Variants in SLC24A1 observed in about 807,000 individuals in gnomAD.
SLC24A1 encodes the protein solute carrier family 24 member 1.
SLC24A1 carries 52 observed loss-of-function variants against 88.1 expected under a neutral mutation model. The ratio of observed to expected loss-of-function variants is 0.59; its 90% confidence interval spans 0.47 to 0.74. The LOEUF (loss-of-function observed/expected upper bound fraction) is 0.74. Ranked by LOEUF, SLC24A1 falls within the 30% of genes least tolerant of loss-of-function variation. The pLI is 0.00. For synonymous variants in SLC24A1, 455 were observed against 498.0 expected, an observed-to-expected ratio of 0.91 and a Z score of 1.15; for missense variants, 1,173 against 1,363.3, an observed-to-expected ratio of 0.86 and a Z score of 2.20.
intron 2 of SLC24A1, among the ~76,000 whole-genome samples, chr15:65,633,029 A>G (rs2074784603): frequency 6.6e-6 from 1 of 152,232 alleles, no homozygotes; most frequent in Non-Finnish European, 1.5e-5. Flanking sequence ...TCAACACACC[A>G]GAGGGTCAGG....
chr15:65,647,673 C>T (rs1288424986), intron 6 of SLC24A1, among the ~76,000 whole-genome samples: 1 of 152,076 alleles, frequency 6.6e-6, no homozygotes. Context: ...GCAGAACAGA[C>T]AGACGCTCCC....
In SLC24A1 at chr15:65,654,109, G is replaced by C. The variant is rs1249697797; in HGVS notation, c.*30G>C. 1.3e-6 allele frequency: 2 copies of C among 1,598,948 alleles called. No individual in the cohort carries two copies. The highest frequency in any genetic ancestry group is 1.7e-5 in the Admixed American group (1 of 58,860). ...GTCACTCTTGCTCACAATGGGCATG[G>C]ATCAGAAGACCATGCAGAAGTTACT... On this transcript the variant is annotated 3_prime_UTR_variant, in exon 10 of 10. Coordinates refer to ENST00000261892, the MANE Select transcript of SLC24A1 (RefSeq NM_004727.3).
At chr15:65,647,038 A>G (rs572573379) in intron 6 of SLC24A1, among the ~76,000 whole-genome samples, 2 of 152,190 alleles carry the variant, frequency 1.3e-5, no homozygotes, top group South Asian at 4.1e-4. Context: ...TCTCCCTCAC[A>G]TTCCTTCTCT....
At chr15:65,626,839 C>T (rs574311808) in intron 2 of SLC24A1, among the ~76,000 whole-genome samples, 1 of 152,160 alleles carries the variant, frequency 6.6e-6, no homozygotes, top group Admixed American at 6.5e-5. Flanking sequence ...TACCACCACA[C>T]CCGGATCATT....
chr15:65,653,472 G>T (rs1247218322), intron 9 of SLC24A1, among the ~76,000 whole-genome samples: 1 of 151,708 alleles, frequency 6.6e-6, no homozygotes, highest in African/African-American at 2.4e-5. Flanking sequence ...TCACATTGGG[G>T]CTGGGTGTGG....
In SLC24A1 at chr15:65,624,718, C is replaced by T. The variant is rs375544210; in HGVS notation, c.638C>T (p.Ala213Val). 55 of 1,611,064 alleles carry T rather than the reference C, an allele frequency of 3.4e-5. 1 individual carries two copies. In the African/African-American group the frequency reaches 3.6e-4, roughly 11 times the overall value. ...TTCATGACAATGGAAACAAGCCATG[C>T]GATCACCCCCAGGACAACAGTGAAA... is the stretch of plus-strand genomic sequence containing the variant. Reference protein sequence around the residue: ...STFMTMETSHAITPRTTVKDS... With the variant: ...STFMTMETSHVITPRTTVKDS... Residue 213 changes from alanine to valine, a missense_variant, in exon 2 of 10, where the codon GCG (alanine) becomes GTG (valine). Physicochemically the swap from Ala to Val is moderately conservative, Grantham distance 64. Coordinates refer to ENST00000261892, the MANE Select transcript of SLC24A1 (RefSeq NM_004727.3).
intron 2 of SLC24A1, among the ~76,000 whole-genome samples, chr15:65,614,866 G>T (rs2074084576): frequency 6.6e-6 from 1 of 152,134 alleles, no homozygotes; most frequent in African/African-American, 2.4e-5. Flanking sequence ...GAGAAAACTT[G>T]GTAGATACTA....
Position 65,654,896 on chromosome 15 carries a change from C to A in SLC24A1, c.*817C>A. The stretch of plus-strand genomic sequence containing the variant: ...TACAGGCGTCAGCCACCGCGCCTGG[C>A]CTATACCAGTATTTTCTAGTTTAAA... On this transcript the variant is annotated 3_prime_UTR_variant, in exon 10 of 10. Coordinates refer to ENST00000261892, the MANE Select transcript of SLC24A1 (RefSeq NM_004727.3). 8.7e-7 allele frequency: 1 copy of A among 1,143,900 alleles called. No individual in the cohort carries two copies. The highest frequency in any genetic ancestry group is 1.1e-6 in the Non-Finnish European group (1 of 920,398). The allele number at this position is 1,143,900 out of a possible 1,614,324, so 70.9% of individuals were successfully genotyped here.
chr15:65,631,892 C>T (rs2074740259), intron 2 of SLC24A1, among the ~76,000 whole-genome samples: 1 of 152,062 alleles, frequency 6.6e-6, no homozygotes, highest in African/African-American at 2.4e-5. Context: ...AGTGCAGTGG[C>T]GCGATCTCAG....
intron 2 of SLC24A1, among the ~76,000 whole-genome samples, chr15:65,631,885 G>A (rs954273027): frequency 3.3e-5 from 5 of 152,140 alleles, no homozygotes; most frequent in Non-Finnish European, 7.4e-5. Flanking sequence ...AGGCTGGAGT[G>A]CAGTGGCGCG....
intron 2 of SLC24A1, among the ~76,000 whole-genome samples, chr15:65,626,716 C>T (rs937702933): frequency 6.6e-6 from 1 of 152,166 alleles, no homozygotes; most frequent in Non-Finnish European, 1.5e-5. Context: ...CTGTTAAATT[C>T]ATTGGATGAT....
At chr15:65,626,117 C>T (rs1395674418) in intron 2 of SLC24A1, 147 bp downstream of exon 2, 6 of 683,804 alleles carry the variant, frequency 8.8e-6, no homozygotes, top group Admixed American at 2.2e-5. Flanking sequence ...TATAGAGTAC[C>T]TGTTCTCTGC....
Position 65,654,564 on chromosome 15 carries a change from T to G in SLC24A1, c.*485T>G, listed in dbSNP as rs1274203918. On this transcript the variant is annotated 3_prime_UTR_variant, in exon 10 of 10. Transcript: ENST00000261892. ...CTCCTTTTCTGTTCAAATTGTGAGG[T>G]TCTATCAGGTTTGTAATCACTGTAG... 2 of 1,189,740 alleles carry G rather than the reference T, an allele frequency of 1.7e-6. No homozygotes were observed. The highest frequency in any genetic ancestry group is 3.7e-5 in the Admixed American group (1 of 27,300). 73.7% of individuals were successfully genotyped at this position (1,189,740 alleles called of 1,614,324 possible).
downstream of SLC24A1, chr15:65,660,405 G>GACACT: frequency 3.8e-6 from 4 of 1,044,672 alleles, no homozygotes; most frequent in Non-Finnish European, 5.7e-6. Flanking sequence ...TCCAAGTGTC[G>GACACT]TGGACTCTAC....
rs533534753 is a variant in SLC24A1, at chr15:65,622,251, G to A, written c.-127+159G>A. Reference sequence around the variant, plus strand: ...TTGAGTTCATGGCAAGGATCGGGGGGCTGCAGGGAGATAGTGGAAAGAAAA... The same window carrying A: ...TTGAGTTCATGGCAAGGATCGGGGGACTGCAGGGAGATAGTGGAAAGAAAA... On this transcript the variant is annotated intron_variant, in intron 1 of 9. Coordinates refer to ENST00000261892, the MANE Select transcript of SLC24A1 (RefSeq NM_004727.3). Among the ~76,000 whole-genome samples the A allele has an allele frequency of 2.0e-5, 3 of 152,208 alleles. No individual in the cohort carries two copies. The East Asian group carries it at 5.8e-4, about 29-fold the overall frequency.
In SLC24A1 at chr15:65,650,930, C is replaced by G; in HGVS notation, c.2781C>G (p.Asp927Glu). ...TCCCACTGTGGCTGACAGTCCCCGA[C>G]GTCCGAAGGCAGGTGAGTGTGCCCA... is the stretch of plus-strand genomic sequence containing the variant. ...IVFPLWLTVP[D>E]VRRQESRKFF... The change falls in exon 7 of 10, where the codon GAC (aspartate) becomes GAG (glutamate). Residue 927 changes from aspartate (D) to glutamate (E), a missense_variant. Transcript: ENST00000261892. This position sits in a 1 kb window ranked among gnomAD's most constrained non-coding sequence, Gnocchi z 4.1. The G allele has an allele frequency of 6.2e-7, 1 of 1,613,874 alleles. No individual in the cohort carries two copies. The highest frequency in any genetic ancestry group is 8.5e-7 in the Non-Finnish European group (1 of 1,179,810).
At chr15:65,627,039 C>A (rs1408393039) in intron 2 of SLC24A1, among the ~76,000 whole-genome samples, 1 of 152,138 alleles carries the variant, frequency 6.6e-6, no homozygotes, top group African/African-American at 2.4e-5. Flanking sequence ...CTACTTAATC[C>A]AGAGCAGTTT....
chr15:65,624,473 C>CAA lies in SLC24A1; in HGVS notation c.393_394insAA (p.Pro132AsnfsTer21). On this transcript the variant is annotated frameshift_variant, in exon 2 of 10. Coordinates refer to ENST00000261892, the MANE Select transcript of SLC24A1 (RefSeq NM_004727.3). LOFTEE classifies it high-confidence loss of function. ...CAACAACAACCAAGAATAATTACAG[C>CAA]CCAACAGCAGCAGGTACAGAAAGAA... 1.2e-6 allele frequency: 2 copies of CAA among 1,609,310 alleles called. No homozygotes were observed. The highest frequency in any genetic ancestry group is 1.7e-6 in the Non-Finnish European group (2 of 1,177,672).
chr15:65,637,734 A>C (rs1013984602), intron 2 of SLC24A1, among the ~76,000 whole-genome samples: 6 of 152,348 alleles, frequency 3.9e-5, no homozygotes, highest in Admixed American at 1.3e-4. Context: ...GGTCTATAAA[A>C]GAATTATACA....
Sources: allele counts gnomAD v4.1 joint callset (sites outside exome capture counted in the v4.1 genomes callset), GRCh38; gene constraint gnomAD v4.1.1; non-coding constraint Gnocchi (gnomAD v3.1); transcripts MANE v1.5; gene names NCBI Gene and HGNC (gene_info 2026-07-23, HGNC 2026-07-21).